Variants in CATSPERB observed in about 807,000 individuals in gnomAD.
CATSPERB encodes cation channel sperm-associated auxiliary subunit beta.
Under a neutral mutation model 128.3 loss-of-function variants are expected in CATSPERB, and 93 were observed. The observed-to-expected ratio is 0.72, with a 90% CI of 0.61 to 0.86. CATSPERB has a LOEUF of 0.86. CATSPERB is among the 40% of genes least tolerant of loss of function. CATSPERB has a pLI of 0.00. For synonymous variants in CATSPERB, 381 were observed against 448.8 expected, an observed-to-expected ratio of 0.85 and a Z score of 1.91; for missense variants, 1,153 against 1,329.5, an observed-to-expected ratio of 0.87 and a Z score of 2.06.
At chr14:91,656,941 G>T (rs919089308) in intron 15 of CATSPERB, among the ~76,000 whole-genome samples, 1 of 151,994 alleles carries the variant, frequency 6.6e-6, no homozygotes, top group South Asian at 2.1e-4. Flanking sequence ...TGATAAAGGG[G>T]TCAATTCAGC....
chr14:91,581,152 A>G (rs1893201488), intron 26 of CATSPERB, 45 bp from the exon 27 acceptor site: 8 of 1,471,604 alleles, frequency 5.4e-6, no homozygotes, highest in Non-Finnish European at 7.5e-6. Context: ...GAATTTAGCA[A>G]TGCAAAACAC....
intron 15 of CATSPERB, among the ~76,000 whole-genome samples, chr14:91,653,439 A>G (rs543992766): frequency 6.6e-6 from 1 of 152,298 alleles, no homozygotes; most frequent in South Asian, 2.1e-4. Flanking sequence ...AAGAAGGTGT[A>G]TTGGTCCCTT....
At chr14:91,669,325 GGTATAACTACTCCTTTACCAAGCTTTCA>G (rs11275950) in intron 14 of CATSPERB, among the ~76,000 whole-genome samples, 58,257 of 151,480 alleles carry the variant, frequency 0.38, 11,299 homozygotes, top group Middle Eastern at 0.5. Flanking sequence ...CTCCATAGAT[GGTATAACTACTCCTTTACCAAGCTTTCA>G]GTGTACTGAT....
chr14:91,708,476 T>A (rs1373514780), intron 5 of CATSPERB, among the ~76,000 whole-genome samples: 1 of 152,216 alleles, frequency 6.6e-6, no homozygotes, highest in Non-Finnish European at 1.5e-5. Context: ...AATATTTATG[T>A]CATAATTTTT....
At chr14:91,723,525 C>T (rs760121646) in intron 3 of CATSPERB, among the ~76,000 whole-genome samples, 4 of 152,076 alleles carry the variant, frequency 2.6e-5, no homozygotes, top group Non-Finnish European at 2.9e-5. Context: ...AAAGCAAAGC[C>T]TATTTTACTG....
chr14:91,623,626 C>T (rs1894096705), intron 18 of CATSPERB, among the ~76,000 whole-genome samples: 1 of 152,198 alleles, frequency 6.6e-6, no homozygotes, highest in African/African-American at 2.4e-5. Context: ...AATATGATCT[C>T]TCACTTGATT....
intron 17 of CATSPERB, among the ~76,000 whole-genome samples, chr14:91,629,507 G>A (rs1419050612): frequency 6.6e-6 from 1 of 152,144 alleles, no homozygotes; most frequent in Non-Finnish European, 1.5e-5. Context: ...AAGTCCTAAT[G>A]TAGGTACGTA....
At chr14:91,706,592 A>T (rs1350771162) in intron 6 of CATSPERB, among the ~76,000 whole-genome samples, 2 of 152,186 alleles carry the variant, frequency 1.3e-5, no homozygotes, top group African/African-American at 4.8e-5. Flanking sequence ...GATGGAAACA[A>T]ATGAGTGGTT....
intron 3 of CATSPERB, among the ~76,000 whole-genome samples, chr14:91,724,079 C>T (rs1005265604): frequency 2.0e-5 from 3 of 152,090 alleles, no homozygotes; most frequent in African/African-American, 7.2e-5. Context: ...TCATAATGAA[C>T]ATTAAACTTT....
intron 15 of CATSPERB, among the ~76,000 whole-genome samples, chr14:91,650,132 T>C (rs766934823): frequency 2.0e-5 from 3 of 152,230 alleles, no homozygotes; most frequent in Non-Finnish European, 4.4e-5. Flanking sequence ...TAGTGGTCAA[T>C]TGCCTACCCA....
At chr14:91,598,781 C>G (rs998158649) in intron 22 of CATSPERB, among the ~76,000 whole-genome samples, 19 of 142,230 alleles carry the variant, frequency 1.3e-4, no homozygotes, top group Non-Finnish European at 2.1e-4. Flanking sequence ...TGGCGTGAAC[C>G]TGGGAGGTGG....
At chr14:91,709,693 A>G (rs1895802704) in intron 5 of CATSPERB, 1 of 148,968 alleles carries the variant, frequency 6.7e-6, no homozygotes, top group Non-Finnish European at 1.5e-5. Context: ...CCATCTCAAA[A>G]AAACAAAAAA....
intron 1 of CATSPERB, among the ~76,000 whole-genome samples, chr14:91,730,870 CA>C (rs1473227673): frequency 1.3e-5 from 2 of 152,054 alleles, no homozygotes; most frequent in African/African-American, 4.8e-5. Flanking sequence ...ATCACATTAA[CA>C]GGGGAGAACT....
chr14:91,683,693 G>C (rs937508514), intron 11 of CATSPERB, among the ~76,000 whole-genome samples, 184 bp downstream of exon 11: 1 of 152,062 alleles, frequency 6.6e-6, no homozygotes, highest in Admixed American at 6.5e-5. Flanking sequence ...ACTGGGACAG[G>C]ACACACAGAC....
intron 15 of CATSPERB, among the ~76,000 whole-genome samples, chr14:91,642,925 G>T (rs371329654): frequency 0.17 from 22,034 of 127,046 alleles, 1,575 homozygotes; most frequent in Middle Eastern, 0.21. Flanking sequence ...ACTTCTTCCT[G>T]GTTTAGTCTT....
At chr14:91,716,543 A>G (rs1432110905) in intron 5 of CATSPERB, among the ~76,000 whole-genome samples, 1 of 152,184 alleles carries the variant, frequency 6.6e-6, no homozygotes, top group Non-Finnish European at 1.5e-5. Flanking sequence ...GCACCACTGC[A>G]CTCCAGCCTG....
At chr14:91,604,494 C>T (rs559366963) in intron 22 of CATSPERB, 18 of 1,599,208 alleles carry the variant, frequency 1.1e-5, no homozygotes, top group Non-Finnish European at 1.3e-5. Context: ...TGCTGTATTA[C>T]ATTATGGCCT....
intron 22 of CATSPERB, chr14:91,604,942 T>C: frequency 8.4e-7 from 1 of 1,187,086 alleles, no homozygotes; most frequent in South Asian, 1.2e-5. Context: ...TGGAAAGTTC[T>C]TGCATCTGCT....
intron 17 of CATSPERB, among the ~76,000 whole-genome samples, chr14:91,632,005 C>A (rs1894286649): frequency 6.6e-6 from 1 of 151,466 alleles, no homozygotes; most frequent in African/African-American, 2.4e-5. Flanking sequence ...GAAAAAAGAA[C>A]CTTAAAATAA....
Sources: allele counts gnomAD v4.1 joint callset (sites outside exome capture counted in the v4.1 genomes callset), GRCh38; gene constraint gnomAD v4.1.1; transcripts MANE v1.5; gene names NCBI Gene and HGNC (gene_info 2026-07-23, HGNC 2026-07-21).